WWOX: variants seen among roughly 807,000 people sequenced by gnomAD.
The protein encoded by WWOX is WW domain containing oxidoreductase.
WWOX carries 69 observed loss-of-function variants against 46.2 expected under a neutral mutation model. The observed-to-expected ratio is 1.49, with a 90% CI of 1.23 to 1.82. The LOEUF is 1.82. Among genes scored for constraint, WWOX ranks in the 40% most tolerant of loss-of-function variants. WWOX has a pLI of 0.00. For missense variants in WWOX, 919 were observed against 542.6 expected (o/e 1.69, Z -6.89); for synonymous variants, 359 against 202.6 (o/e 1.77, Z -6.56).
intron 5 of WWOX, among the ~76,000 whole-genome samples, chr16:78,245,828 C>T (rs1031291147): frequency 2.0e-5 from 3 of 152,154 alleles, no homozygotes; most frequent in East Asian, 1.9e-4. Context: ...AGTGCCTGGG[C>T]GCTTCCAGGT....
chr16:78,908,060 T>G (rs893968185), intron 8 of WWOX, among the ~76,000 whole-genome samples: 2 of 152,148 alleles, frequency 1.3e-5, no homozygotes, highest in Admixed American at 1.3e-4. Context: ...TATGAAAGTT[T>G]ATAGTTCCCA....
intron 8 of WWOX, among the ~76,000 whole-genome samples, chr16:78,813,353 G>GC (rs536316579): frequency 4.6e-5 from 7 of 151,734 alleles, no homozygotes; most frequent in Non-Finnish European, 1.0e-4. Context: ...AGTCCAAGAA[G>GC]CCTGCTTTTC....
chr16:78,461,396 GA>G (rs1232580207), intron 8 of WWOX, among the ~76,000 whole-genome samples: 1 of 152,166 alleles, frequency 6.6e-6, no homozygotes, highest in South Asian at 2.1e-4. Flanking sequence ...CAAAAAATAG[GA>G]AAAAAAGAAA....
intron 3 of WWOX, among the ~76,000 whole-genome samples, chr16:78,110,645 G>A (rs1465115868): frequency 4.6e-5 from 7 of 152,048 alleles, no homozygotes; most frequent in Non-Finnish European, 7.4e-5. Context: ...CCGGTATCAC[G>A]CAGCAATAGT....
chr16:78,308,014 T>G (rs1327973175), intron 5 of WWOX, among the ~76,000 whole-genome samples: 2 of 152,170 alleles, frequency 1.3e-5, no homozygotes. Context: ...GGGGCTGAAG[T>G]TGAATCTGCA....
intron 8 of WWOX, among the ~76,000 whole-genome samples, chr16:78,745,306 C>T (rs759950702): frequency 5.3e-5 from 8 of 152,284 alleles, no homozygotes; most frequent in Middle Eastern, 3.4e-3. Flanking sequence ...CCCCGCCTTC[C>T]TCCACCTCTG....
chr16:78,314,920 G>C (rs2080330471), intron 5 of WWOX, among the ~76,000 whole-genome samples: 1 of 151,990 alleles, frequency 6.6e-6, no homozygotes. Flanking sequence ...TTTGTGGTCA[G>C]CTAGAAGGTC....
At chr16:79,040,043 C>G (rs187971058) in intron 8 of WWOX, among the ~76,000 whole-genome samples, 1 of 152,254 alleles carries the variant, frequency 6.6e-6, no homozygotes, top group East Asian at 1.9e-4. Context: ...TTAGCATCAC[C>G]CTGCTGTGCC....
rs374653717 is a variant in WWOX at position 78,351,244 on chromosome 16, C to T, written c.517-35616C>T. On this transcript the variant is annotated intron_variant, in intron 5 of 8. Coordinates refer to ENST00000566780, the MANE Select transcript of WWOX (RefSeq NM_016373.4). ...CCCAACAAACACTGCTCCCCGATTA[C>T]AATATAGAGAGGCTAAATTATAGTC... 5.9e-5 allele frequency among the ~76,000 whole-genome samples: 9 copies of T among 152,326 alleles called. No homozygotes were observed. In the South Asian group the frequency reaches 8.3e-4, roughly 14 times the overall value.
chr16:78,765,476 C>A (rs1057165343), intron 8 of WWOX, among the ~76,000 whole-genome samples: 1 of 152,042 alleles, frequency 6.6e-6, no homozygotes, highest in Non-Finnish European at 1.5e-5. Flanking sequence ...GTCAGGAGTT[C>A]GAGACCAGCC....
chr16:78,760,925 G>C (rs1473493571), intron 8 of WWOX, among the ~76,000 whole-genome samples: 1 of 152,182 alleles, frequency 6.6e-6, no homozygotes, highest in Non-Finnish European at 1.5e-5. Flanking sequence ...GCAGAGAACA[G>C]AAGAGAGCTT....
chr16:78,972,836 A>G (rs1178979369), intron 8 of WWOX, among the ~76,000 whole-genome samples: 1 of 152,200 alleles, frequency 6.6e-6, no homozygotes, highest in African/African-American at 2.4e-5. Flanking sequence ...GAACAGACCC[A>G]TTTAATAAAT....
At chr16:78,965,229 A>C (rs888931999) in intron 8 of WWOX, among the ~76,000 whole-genome samples, 10 of 152,220 alleles carry the variant, frequency 6.6e-5, no homozygotes, top group African/African-American at 2.4e-4. Context: ...CAATAGTAAC[A>C]ATTCCACAGA....
chr16:78,200,243 G>A (rs937237269), intron 5 of WWOX, among the ~76,000 whole-genome samples: 1 of 151,808 alleles, frequency 6.6e-6, no homozygotes, highest in Non-Finnish European at 1.5e-5. Context: ...AAAATTCCTC[G>A]CCCGACTTCT....
chr16:78,985,625 T>C (rs1371666874), intron 8 of WWOX, among the ~76,000 whole-genome samples: 4 of 152,142 alleles, frequency 2.6e-5, no homozygotes, highest in African/African-American at 9.7e-5. Flanking sequence ...AAAAATTAGC[T>C]GTGCATAGTG....
At chr16:78,895,252 G>T (rs2044676379) in intron 8 of WWOX, 1 of 152,066 alleles carries the variant, frequency 6.6e-6, no homozygotes, top group South Asian at 2.1e-4. Context: ...TTTATCAGTG[G>T]GTTTGCCTCA....
intron 6 of WWOX, among the ~76,000 whole-genome samples, chr16:78,414,873 A>C (rs909008825): frequency 6.6e-6 from 1 of 152,154 alleles, no homozygotes; most frequent in African/African-American, 2.4e-5. Flanking sequence ...CAGTTACCGG[A>C]AACGGGTCCC....
chr16:78,144,464 C>CACATATATATATATATATAT, intron 4 of WWOX, among the ~76,000 whole-genome samples: 1 of 17,970 alleles, frequency 5.6e-5, no homozygotes. Flanking sequence ...TATATATATA[C>CACATATATATATATATATAT]ACACATATAT....
intron 8 of WWOX, among the ~76,000 whole-genome samples, chr16:79,012,626 C>T (rs1264403713): frequency 6.6e-6 from 1 of 152,112 alleles, no homozygotes. Flanking sequence ...AGCTCCAAGG[C>T]AGAGAGATGG....
Sources: gnomAD v4.1 joint callset for allele counts (sites outside exome capture counted in the v4.1 genomes callset) on GRCh38, gnomAD v4.1.1 for gene constraint, MANE v1.5 for transcripts, NCBI Gene and HGNC (gene_info 2026-07-23, HGNC 2026-07-21) for gene names.